Variants in BRD7 observed in about 807,000 individuals in gnomAD.
The protein encoded by BRD7 is bromodomain-containing protein 7.
A neutral mutation model predicts 82.1 loss-of-function variants in BRD7; 15 were observed. The observed-to-expected ratio is 0.18, with a 90% CI of 0.12 to 0.28. The LOEUF (loss-of-function observed/expected upper bound fraction) is 0.28. Ranked by LOEUF, BRD7 falls within the 10% of genes least tolerant of loss-of-function variation. The pLI is 1.00. For synonymous variants in BRD7, 232 were observed against 266.9 expected (o/e 0.87, Z 1.27); for missense variants, 638 against 779.9 (o/e 0.82, Z 2.17).
chr16:50,323,272 G>A (rs1338881878), intron 12 of BRD7, among the ~76,000 whole-genome samples: 4 of 152,228 alleles, frequency 2.6e-5, no homozygotes, highest in Admixed American at 2.6e-4. Context: ...CTTAGTTTCA[G>A]GCCAGTGAGC....
At chr16:50,348,146 A>G (rs1450974887) in intron 5 of BRD7, among the ~76,000 whole-genome samples, 2 of 152,264 alleles carry the variant, frequency 1.3e-5, no homozygotes, top group Non-Finnish European at 2.9e-5. Flanking sequence ...ACCTGACAAA[A>G]ACAAGAAAGG....
Position 50,334,868 on chromosome 16 carries a change from T to G in BRD7, c.730A>C (p.Ile244Leu), listed in dbSNP as rs370777891. The G allele has an allele frequency of 6.2e-7, 1 of 1,614,062 alleles. No homozygotes were observed. The highest frequency in any genetic ancestry group is 1.1e-5 in the South Asian group (1 of 91,068). ...TTCTGCAAGTCAGCCATGAAGTCTA[T>G]GCTCTGCTTCAGGCTCTGAATTCTT... ...QERIQSLKQS[I>L]DFMADLQKTR... The change falls in exon 7 of 17, where the codon ATA (isoleucine) becomes CTA (leucine). Residue 244 changes from isoleucine (I) to leucine (L), a missense_variant. Ile to Leu is a conservative substitution (Grantham distance 5, BLOSUM62 2). Coordinates refer to ENST00000394688, the MANE Select transcript of BRD7 (RefSeq NM_013263.5).
intron 5 of BRD7, among the ~76,000 whole-genome samples, chr16:50,346,788 A>G (rs1456216542): frequency 1.3e-5 from 2 of 152,234 alleles, no homozygotes; most frequent in Non-Finnish European, 2.9e-5. Context: ...AACCAAAAAA[A>G]GTCCAAGACT....
chr16:50,342,455 C>CTTTTTTTTTTTTT (rs34093559), intron 5 of BRD7, among the ~76,000 whole-genome samples: 1 of 102,952 alleles, frequency 9.7e-6, no homozygotes, highest in Non-Finnish European at 1.8e-5. Flanking sequence ...AAGACACTGT[C>CTTTTTTTTTTTTT]TTTTTTTTTT....
At chr16:50,331,225 C>G (rs34222100) in intron 8 of BRD7, among the ~76,000 whole-genome samples, 4 of 152,026 alleles carry the variant, frequency 2.6e-5, no homozygotes, top group Non-Finnish European at 5.9e-5. Context: ...ATTGTTAAAA[C>G]GTCCATACTG....
intron 5 of BRD7, among the ~76,000 whole-genome samples, chr16:50,345,398 G>C (rs2151179654): frequency 6.6e-6 from 1 of 152,182 alleles, no homozygotes; most frequent in South Asian, 2.1e-4. Flanking sequence ...ATAATGACAG[G>C]ATCAAATTCA....
At chr16:50,355,423 T>A (rs573000393) in intron 2 of BRD7, among the ~76,000 whole-genome samples, 12 of 152,362 alleles carry the variant, frequency 7.9e-5, no homozygotes, top group African/African-American at 2.9e-4. Flanking sequence ...CACAATAGTT[T>A]TGAAAAAGGT....
At chr16:50,322,240 G>A (rs1476241207) in intron 12 of BRD7, among the ~76,000 whole-genome samples, 2 of 152,154 alleles carry the variant, frequency 1.3e-5, no homozygotes, top group African/African-American at 4.8e-5. Context: ...CTTATTACTG[G>A]TGATGTTATT....
rs2036946644 is a variant in BRD7, at chr16:50,318,956, G to GA, written c.*254dup. ...GATGATCCTGTCTGTGGGACATAAG[G>GA]AAGAAGCATTGGAAGGCACTATTTT... On this transcript the variant is annotated 3_prime_UTR_variant, in exon 17 of 17. Coordinates refer to ENST00000394688, the MANE Select transcript of BRD7 (RefSeq NM_013263.5). The GA allele has an allele frequency of 2.5e-6, 1 of 404,176 alleles. No individual in the cohort carries two copies. Among genetic ancestry groups the GA allele is most frequent in the Admixed American group, 4.4e-5 (1 of 22,852 alleles). The allele number at this position is 404,176 out of a possible 1,614,324, so 25.0% of individuals were successfully genotyped here. A position where few individuals can be genotyped will look rare whatever the true frequency, so the allele number is the denominator to read the frequency against.
intron 4 of BRD7, among the ~76,000 whole-genome samples, chr16:50,352,780 T>C (rs187312600): frequency 6.6e-6 from 1 of 151,948 alleles, no homozygotes; most frequent in East Asian, 1.9e-4. Flanking sequence ...TCTCTGATTA[T>C]TAGTGATGGT....
intron 1 of BRD7, 151 bp downstream of exon 1, chr16:50,368,574 CA>C: frequency 1.2e-6 from 1 of 817,090 alleles, no homozygotes; most frequent in Non-Finnish European, 1.8e-6. Context: ...GCACGGGGGG[CA>C]GCGCGGCCTC....
chr16:50,317,614 G>GATA lies in BRD7; in HGVS notation c.*1594_*1596dup, dbSNP rs1296029883. The GATA allele has an allele frequency of 2.0e-5, 3 of 152,406 alleles. No homozygotes were observed. The East Asian group carries it at 5.6e-4, about 29-fold the overall frequency. The allele number at this position is 152,406 out of a possible 1,614,324, so 9.4% of individuals were successfully genotyped here. On this transcript the variant is annotated 3_prime_UTR_variant, in exon 17 of 17. Transcript: ENST00000394688. Reference sequence around the variant, plus strand: ...AAAGCAAAGCACTGTGCTGTGCTCAGATAATAATAGTTTGTAAGTAAAAGT... The same window carrying GATA: ...AAAGCAAAGCACTGTGCTGTGCTCAGATAATAATAATAGTTTGTAAGTAAAAGT...
At chr16:50,355,744 A>G (rs1177403292) in intron 2 of BRD7, among the ~76,000 whole-genome samples, 1 of 152,238 alleles carries the variant, frequency 6.6e-6, no homozygotes, top group Admixed American at 6.5e-5. Context: ...GATAAAAGAA[A>G]AGCATCTTTA....
intron 4 of BRD7, among the ~76,000 whole-genome samples, chr16:50,352,701 G>GTTTTTTT (rs34714781): frequency 9.4e-5 from 12 of 127,640 alleles, no homozygotes; most frequent in Non-Finnish European, 1.1e-4. Flanking sequence ...TGCCAGCTTT[G>GTTTTTTT]TTTTTTTTTT....
intron 5 of BRD7, among the ~76,000 whole-genome samples, chr16:50,342,283 G>T (rs2038097173): frequency 1.3e-5 from 2 of 152,092 alleles, no homozygotes; most frequent in African/African-American, 4.8e-5. Context: ...CAGATAAAAA[G>T]TTGGGAAAAG....
At chr16:50,366,706 C>T (rs2039160162) in intron 2 of BRD7, among the ~76,000 whole-genome samples, 1 of 152,062 alleles carries the variant, frequency 6.6e-6, no homozygotes, top group African/African-American at 2.4e-5. Flanking sequence ...AGGAAAAATA[C>T]CTAAAAAGTG....
intron 5 of BRD7, among the ~76,000 whole-genome samples, chr16:50,348,464 G>C (rs2038379378): frequency 6.6e-6 from 1 of 152,152 alleles, no homozygotes; most frequent in Admixed American, 6.5e-5. Flanking sequence ...TACCATCAGA[G>C]TGAACAGGCA....
intron 2 of BRD7, among the ~76,000 whole-genome samples, chr16:50,364,227 TG>T (rs1355801466): frequency 6.6e-6 from 1 of 152,196 alleles, no homozygotes; most frequent in Non-Finnish European, 1.5e-5. Flanking sequence ...TCCAGCTCCA[TG>T]GAACTGAGAG....
chr16:50,333,948 C>T (rs2037682348), intron 7 of BRD7, among the ~76,000 whole-genome samples: 1 of 152,156 alleles, frequency 6.6e-6, no homozygotes. Flanking sequence ...TTTCTGGGAA[C>T]TTACAAAAAA....
Sources: allele counts gnomAD v4.1 joint callset (sites outside exome capture counted in the v4.1 genomes callset), GRCh38; gene constraint gnomAD v4.1.1; transcripts MANE v1.5; gene names NCBI Gene and HGNC (gene_info 2026-07-23, HGNC 2026-07-21).